SNTG1: variants seen among roughly 807,000 people sequenced by gnomAD.
SNTG1 encodes syntrophin gamma 1.
A neutral mutation model predicts 74.7 loss-of-function variants in SNTG1; 39 were observed. The observed-to-expected ratio is 0.52, with a 90% confidence interval of 0.40 to 0.68. SNTG1 has a LOEUF of 0.68. Ranked by LOEUF, SNTG1 falls within the 30% of genes least tolerant of loss-of-function variation. The pLI is 0.00. For synonymous variants in SNTG1, 254 were observed against 217.1 expected, an observed-to-expected ratio of 1.17 and a Z score of -1.49; for missense variants, 685 against 609.5, an observed-to-expected ratio of 1.12 and a Z score of -1.30.
chr8:50,629,419 TAGAG>T (rs2094980496), intron 13 of SNTG1, among the ~76,000 whole-genome samples: 1 of 152,132 alleles, frequency 6.6e-6, no homozygotes, highest in African/African-American at 2.4e-5. Context: ...CTCAAATCTA[TAGAG>T]AAAGAGATAA....
chr8:49,918,921 A>G (rs1181560846), intron 1 of SNTG1, among the ~76,000 whole-genome samples: 2 of 152,176 alleles, frequency 1.3e-5, no homozygotes, highest in Non-Finnish European at 2.9e-5. Flanking sequence ...TATATTTGCA[A>G]AAGAGAATTA....
chr8:50,155,394 C>T (rs997667676), intron 1 of SNTG1, among the ~76,000 whole-genome samples: 1 of 151,652 alleles, frequency 6.6e-6, no homozygotes, highest in Non-Finnish European at 1.5e-5. Flanking sequence ...TCTCAATCAA[C>T]AATTCAAAAA....
chr8:50,147,506 C>T (rs2081913169), intron 1 of SNTG1, among the ~76,000 whole-genome samples: 1 of 152,088 alleles, frequency 6.6e-6, no homozygotes, highest in Non-Finnish European at 1.5e-5. Context: ...TACAAATACA[C>T]TAGGGTTTGA....
chr8:50,452,922 T>A (rs2093470220), intron 8 of SNTG1, among the ~76,000 whole-genome samples: 4 of 152,182 alleles, frequency 2.6e-5, no homozygotes, highest in Admixed American at 2.6e-4. Flanking sequence ...GCTGAGAGAA[T>A]GTAGGTGGTT....
At chr8:50,043,413 A>T (rs1011686742) in intron 1 of SNTG1, among the ~76,000 whole-genome samples, 14 of 152,202 alleles carry the variant, frequency 9.2e-5, no homozygotes, top group Non-Finnish European at 1.8e-4. Flanking sequence ...CAGGAACAAG[A>T]TGAAAATTTT....
At chr8:49,957,425 T>C (rs980085158) in intron 1 of SNTG1, among the ~76,000 whole-genome samples, 1 of 152,234 alleles carries the variant, frequency 6.6e-6, no homozygotes, top group Admixed American at 6.5e-5. Context: ...CTTTACTTCA[T>C]TATTGCTGTA....
chr8:50,138,922 A>T (rs535579961), intron 1 of SNTG1, among the ~76,000 whole-genome samples: 1 of 152,214 alleles, frequency 6.6e-6, no homozygotes, highest in South Asian at 2.1e-4. Flanking sequence ...TAAAATTTAA[A>T]TTTTATGTTT....
chr8:50,594,958 C>T (rs2094716893), intron 13 of SNTG1, among the ~76,000 whole-genome samples: 1 of 151,446 alleles, frequency 6.6e-6, no homozygotes, highest in Non-Finnish European at 1.5e-5. Flanking sequence ...ATGATGCATA[C>T]CCTAAAATTT....
chr8:50,271,128 G>A lies in SNTG1; in HGVS notation c.-28+98493G>A, dbSNP rs904089845. 6.6e-5 allele frequency among the ~76,000 whole-genome samples: 10 copies of A among 152,078 alleles called. No individual in the cohort carries two copies. In the East Asian group the frequency reaches 7.7e-4, roughly 12 times the overall value. ...ATTAAATAGAATAACAACATCCCTG[G>A]CAAACGTGATTAAGGGAGAAGATTA... On this transcript the variant is annotated intron_variant, in intron 2 of 18. Transcript: ENST00000642720.
intron 1 of SNTG1, among the ~76,000 whole-genome samples, chr8:50,127,031 A>G (rs1268302756): frequency 6.6e-6 from 1 of 152,184 alleles, no homozygotes; most frequent in Non-Finnish European, 1.5e-5. Flanking sequence ...GGATAAAAAT[A>G]TAAAGTCTCC....
intron 2 of SNTG1, among the ~76,000 whole-genome samples, chr8:50,256,785 CGTGT>C (rs66472803): frequency 6.0e-5 from 9 of 150,690 alleles, no homozygotes; most frequent in Admixed American, 1.3e-4. Flanking sequence ...GGTGTGTGTG[CGTGT>C]GTGTGTGTGT....
chr8:50,349,675 A>G (rs577223396), intron 2 of SNTG1, among the ~76,000 whole-genome samples: 2 of 152,298 alleles, frequency 1.3e-5, no homozygotes, highest in East Asian at 3.9e-4. Context: ...AGTTTTGGAA[A>G]GGCACTTTGC....
intron 1 of SNTG1, among the ~76,000 whole-genome samples, chr8:49,939,160 A>G (rs1289012742): frequency 1.3e-5 from 2 of 152,178 alleles, no homozygotes; most frequent in African/African-American, 2.4e-5. Flanking sequence ...TCTTTCCACT[A>G]GCGTGTTAAA....
At chr8:50,471,601 G>A (rs1188951262) in intron 8 of SNTG1, among the ~76,000 whole-genome samples, 1 of 152,064 alleles carries the variant, frequency 6.6e-6, no homozygotes, top group Non-Finnish European at 1.5e-5. Context: ...AATGCCACAT[G>A]CCCACTCCTA....
chr8:50,180,641 C>A (rs2083167765), intron 2 of SNTG1, among the ~76,000 whole-genome samples: 1 of 152,026 alleles, frequency 6.6e-6, no homozygotes. Context: ...ATCCCACCAC[C>A]TTCAACACAT....
chr8:50,421,670 A>G (rs894843576), intron 4 of SNTG1, among the ~76,000 whole-genome samples: 7 of 152,180 alleles, frequency 4.6e-5, no homozygotes, highest in South Asian at 4.1e-4. Flanking sequence ...CTCTGTTTCA[A>G]ACTCCTCTGA....
chr8:49,993,698 G>T (rs114570847), intron 1 of SNTG1, among the ~76,000 whole-genome samples: 180 of 152,200 alleles, frequency 1.2e-3, no homozygotes, highest in African/African-American at 4.2e-3. Flanking sequence ...AAGAATGATG[G>T]CTTCCAGCTT....
intron 2 of SNTG1, among the ~76,000 whole-genome samples, chr8:50,314,253 G>T (rs2130772139): frequency 1.4e-5 from 2 of 147,226 alleles, no homozygotes; most frequent in Admixed American, 1.4e-4. Flanking sequence ...TATATGTCTT[G>T]TTTTTTTTTA....
At chr8:50,270,130 A>G (rs1188776939) in intron 2 of SNTG1, among the ~76,000 whole-genome samples, 2 of 152,172 alleles carry the variant, frequency 1.3e-5, no homozygotes, top group African/African-American at 2.4e-5. Flanking sequence ...AGCAGAATAC[A>G]ATCAGCCTAT....
Sources: gnomAD v4.1 joint callset for allele counts (sites outside exome capture counted in the v4.1 genomes callset) on GRCh38, gnomAD v4.1.1 for gene constraint, MANE v1.5 for transcripts, NCBI Gene and HGNC (gene_info 2026-07-23, HGNC 2026-07-21) for gene names.